KCNN2: variants seen among roughly 807,000 people sequenced by gnomAD.
The protein encoded by KCNN2 is small conductance calcium-activated potassium channel protein 2.
KCNN2 carries 24 observed loss-of-function variants against 55.5 expected under a neutral mutation model. The ratio of observed to expected loss-of-function variants is 0.43; its 90% CI spans 0.31 to 0.61. KCNN2 has a LOEUF of 0.61. Ranked by LOEUF, KCNN2 falls within the 20% of genes least tolerant of loss-of-function variation. KCNN2 has a pLI of 0.08. For synonymous variants in KCNN2, 431 were observed against 336.1 expected, an observed-to-expected ratio of 1.28 and a Z score of -3.09; for missense variants, 754 against 853.6, an observed-to-expected ratio of 0.88 and a Z score of 1.45.
intron 2 of KCNN2, among the ~76,000 whole-genome samples, chr5:114,226,953 A>G (rs1754249417): frequency 6.6e-6 from 1 of 151,580 alleles, no homozygotes; most frequent in African/African-American, 2.4e-5. Flanking sequence ...ACAAATGAGT[A>G]TCTAATTTTT....
rs569691684 is a variant in KCNN2, at chr5:114,142,399, C to A, written c.-270-79081C>A. Among the ~76,000 whole-genome samples, 239 of 152,210 alleles carry A rather than the reference C, an allele frequency of 1.6e-3. 1 individual carries two copies. The highest frequency in any genetic ancestry group is 5.6e-3 in the African/African-American group (232 of 41,542). ...TTTATTAAATAGGGAATCCTTTCCC[C>A]ATTTCTTGTTTTTGTCAGGAAGTCA... On this transcript the variant is annotated intron_variant, in intron 1 of 10. Transcript: ENST00000512097.
At chr5:114,416,524 A>G (rs554079685) in intron 3 of KCNN2, among the ~76,000 whole-genome samples, 1 of 152,270 alleles carries the variant, frequency 6.6e-6, no homozygotes, top group East Asian at 1.9e-4. Flanking sequence ...TGTGCTTTGT[A>G]TCACAGTGAC....
chr5:114,430,606 C>G (rs941762093), intron 3 of KCNN2, among the ~76,000 whole-genome samples: 1 of 152,022 alleles, frequency 6.6e-6, no homozygotes, highest in African/African-American at 2.4e-5. Context: ...TCTTTATTAG[C>G]TAGAACTTTC....
At chr5:114,379,286 C>G (rs1454806731) in intron 2 of KCNN2, among the ~76,000 whole-genome samples, 3 of 151,948 alleles carry the variant, frequency 2.0e-5, no homozygotes, top group Non-Finnish European at 2.9e-5. Flanking sequence ...TATGGCCACT[C>G]CCTCCTTAGT....
intron 2 of KCNN2, among the ~76,000 whole-genome samples, chr5:114,382,253 T>A (rs1466131724): frequency 1.3e-5 from 2 of 152,194 alleles, no homozygotes; most frequent in Non-Finnish European, 2.9e-5. Flanking sequence ...GATTTCCAGC[T>A]TTATCAGTTA....
At chr5:114,198,369 T>C (rs1753601421) in intron 1 of KCNN2, among the ~76,000 whole-genome samples, 1 of 148,516 alleles carries the variant, frequency 6.7e-6, no homozygotes, top group South Asian at 2.1e-4. Context: ...GGTGTGTATA[T>C]ATACATATAT....
chr5:114,124,843 CACTTTGTGTTATTCT>C (rs1268913091), intron 1 of KCNN2, among the ~76,000 whole-genome samples: 2 of 152,172 alleles, frequency 1.3e-5, no homozygotes, highest in Non-Finnish European at 2.9e-5. Context: ...CCAATACACA[CACTTTGTGTTATTCT>C]TCTTGGCTTT....
chr5:114,250,633 G>A (rs540418236), intron 2 of KCNN2, among the ~76,000 whole-genome samples: 7 of 152,266 alleles, frequency 4.6e-5, no homozygotes, highest in South Asian at 2.1e-4. Flanking sequence ...GAGATAGCTC[G>A]TAATTGGGTC....
intron 2 of KCNN2, among the ~76,000 whole-genome samples, chr5:114,398,960 T>C (rs1157093889): frequency 6.6e-6 from 1 of 152,222 alleles, no homozygotes; most frequent in Non-Finnish European, 1.5e-5. Context: ...TATGGAGTTT[T>C]CTAAGTATAA....
chr5:114,411,605 AC>A (rs1429290677), intron 3 of KCNN2, among the ~76,000 whole-genome samples: 1 of 152,308 alleles, frequency 6.6e-6, no homozygotes, highest in African/African-American at 2.4e-5. Context: ...GTTCTGAGGC[AC>A]AGGACAGGAG....
At chr5:114,151,744 G>T (rs1216617603) in intron 1 of KCNN2, among the ~76,000 whole-genome samples, 2 of 152,110 alleles carry the variant, frequency 1.3e-5, no homozygotes, top group Non-Finnish European at 2.9e-5. Context: ...AAGGTAGAGA[G>T]ATGTATTTCC....
Position 114,362,934 on chromosome 5 carries a change from T to TGCCGCCGCCGCC in KCNN2, c.798_809dup (p.Ala267_Ala270dup). ...GCGCGTCCTCCCCGTCTGCAGCCGC[T>TGCCGCCGCCGCC]GCCGCCGCCGCCGCTGTTTCGTCCT... On this transcript the variant is annotated inframe_insertion, in exon 1 of 8. Coordinates refer to ENST00000673685, the MANE Select transcript of KCNN2 (RefSeq NM_021614.4). The TGCCGCCGCCGCC allele has an allele frequency of 1.9e-6, 3 of 1,560,874 alleles. No homozygotes were observed. The highest frequency in any genetic ancestry group is 1.1e-5 in the South Asian group (1 of 87,120).
rs1220437825 is a variant in KCNN2 at position 114,447,967 on chromosome 5, T to A, written c.1638-15082T>A. Among the ~76,000 whole-genome samples the A allele has an allele frequency of 1.3e-5, 2 of 152,316 alleles. 1 individual carries two copies. Among genetic ancestry groups the A allele is most frequent in the South Asian group, 4.1e-4 (2 of 4,826 alleles). ...CTTTTTTTCTGGATTAGTTGGAAAC[T>A]TTATAGGAACTAGTGAAAGCTACAT... On this transcript the variant is annotated intron_variant, in intron 3 of 7. Coordinates refer to ENST00000673685, the MANE Select transcript of KCNN2 (RefSeq NM_021614.4).
chr5:114,079,837 G>GTA (rs978532873), intron 1 of KCNN2, among the ~76,000 whole-genome samples: 1 of 145,084 alleles, frequency 6.9e-6, no homozygotes, highest in African/African-American at 2.6e-5. Context: ...GTGTGTGTGT[G>GTA]TGTGTGTGAG....
At chr5:114,457,598 C>T (rs1163926115) in intron 3 of KCNN2, among the ~76,000 whole-genome samples, 3 of 152,114 alleles carry the variant, frequency 2.0e-5, no homozygotes, top group Admixed American at 6.6e-5. Flanking sequence ...TATCTTCAAG[C>T]GGTACTGTAT....
chr5:114,363,683 C>T (rs1364419548), intron 1 of KCNN2, among the ~76,000 whole-genome samples: 1 of 152,168 alleles, frequency 6.6e-6, no homozygotes, highest in African/African-American at 2.4e-5. Context: ...CCCAGCAGCC[C>T]AGCCACGCGT....
At chr5:114,491,718 T>C (rs540125715) in intron 6 of KCNN2, among the ~76,000 whole-genome samples, 38 of 152,232 alleles carry the variant, frequency 2.5e-4, no homozygotes, top group African/African-American at 8.7e-4. Context: ...GAAACATTTC[T>C]CTAATCTAAC....
intron 3 of KCNN2, among the ~76,000 whole-genome samples, chr5:114,442,826 C>A (rs143348425): frequency 1.8e-4 from 27 of 152,186 alleles, no homozygotes; most frequent in Admixed American, 5.2e-4. Context: ...GAATATGAAA[C>A]ACTTGTGAAC....
intron 1 of KCNN2, among the ~76,000 whole-genome samples, chr5:114,144,168 C>G (rs558086717): frequency 2.0e-5 from 3 of 152,264 alleles, no homozygotes; most frequent in African/African-American, 7.2e-5. Flanking sequence ...TACTGATTCC[C>G]AATTGTGAAC....
Sources: gnomAD v4.1 joint callset for allele counts (sites outside exome capture counted in the v4.1 genomes callset) on GRCh38, gnomAD v4.1.1 for gene constraint, MANE v1.5 for transcripts, NCBI Gene and HGNC (gene_info 2026-07-23, HGNC 2026-07-21) for gene names.